The following PRKAG2 variants were observed in gnomAD, a reference collection of about 807,000 sequenced individuals.
PRKAG2 encodes protein kinase AMP-activated non-catalytic subunit gamma 2.
PRKAG2 carries 26 observed loss-of-function variants against 69.6 expected under a neutral mutation model. The ratio of observed to expected loss-of-function variants is 0.37; its 90% CI spans 0.27 to 0.52. PRKAG2 has a LOEUF of 0.52. PRKAG2 is among the 20% of genes least tolerant of loss of function. The pLI is 0.90. For missense variants in PRKAG2, 557 were observed against 740.0 expected (o/e 0.75, Z 2.87); for synonymous variants, 293 against 285.0 (o/e 1.03, Z -0.28).
Position 151,781,214 on chromosome 7 carries a change from G to A in PRKAG2, c.404C>T (p.Ser135Phe), listed in dbSNP as rs2151803254. 6.2e-7 allele frequency: 1 copy of A among 1,614,076 alleles called. No homozygotes were observed. The highest frequency in any genetic ancestry group is 8.5e-7 in the Non-Finnish European group (1 of 1,180,042). Residue 135 changes from serine (S) to phenylalanine (F), a missense_variant, in exon 3 of 16, where the codon TCC becomes TTC. By Grantham distance (155) the Ser-to-Phe change is radical. Around this residue, in one of 2 missense-constraint regions of PRKAG2, gnomAD observed 352 missense variants for 356.7 expected, o/e 0.99. Coordinates refer to ENST00000287878, the MANE Select transcript of PRKAG2 (RefSeq NM_016203.4). This position sits in a 1 kb window ranked among gnomAD's most constrained non-coding sequence, Gnocchi z 6.1. ...CGAGGTAGCAGGGTTGGAGTTGGGG[G>A]AAGACTCTTTGGAGGAGGAGCGGAA... ...GIFRSSSKES[S>F]PNSNPATSPG...
Position 151,583,431 on chromosome 7 carries a change from A to G in PRKAG2, c.865-6979T>C, listed in dbSNP as rs1810942911. ...ATGATACTCGTACAATGCATTAAAG[A>G]GCAGTGTCCTGGGTGAGCTCGGGAG... On this transcript the variant is annotated intron_variant, in intron 6 of 15. Coordinates refer to ENST00000287878, the MANE Select transcript of PRKAG2 (RefSeq NM_016203.4). The surrounding 1 kb of genome is among the most constrained non-coding windows in gnomAD (Gnocchi z 4.1). 6.6e-6 allele frequency among the ~76,000 whole-genome samples: 1 copy of G among 152,236 alleles called. No individual in the cohort carries two copies. The highest frequency in any genetic ancestry group is 2.4e-5 in the African/African-American group (1 of 41,456).
chr7:151,843,423 G>A (rs746067510), intron 1 of PRKAG2, among the ~76,000 whole-genome samples: 5 of 152,136 alleles, frequency 3.3e-5, no homozygotes, highest in African/African-American at 9.7e-5. Context: ...GCACCATCAC[G>A]CGGCTACAGC....
At chr7:151,736,711 T>C (rs202189059) in intron 3 of PRKAG2, among the ~76,000 whole-genome samples, 2 of 152,176 alleles carry the variant, frequency 1.3e-5, no homozygotes, top group East Asian at 3.9e-4. Context: ...TTCCACTCAA[T>C]GAAAGCAGCA....
intron 1 of PRKAG2, among the ~76,000 whole-genome samples, chr7:151,824,870 G>A (rs774999693): frequency 9.2e-5 from 14 of 152,154 alleles, no homozygotes; most frequent in Non-Finnish European, 1.9e-4. Flanking sequence ...TCTTTCTTCT[G>A]AGTCTATTCC....
chr7:151,585,936 T>G (rs1811561996), intron 6 of PRKAG2, among the ~76,000 whole-genome samples: 1 of 152,234 alleles, frequency 6.6e-6, no homozygotes, highest in Non-Finnish European at 1.5e-5. Flanking sequence ...AGCCCACTGA[T>G]GCTGATGCCA....
chr7:151,876,355 G>C lies in PRKAG2; in HGVS notation c.114+152C>G, dbSNP rs181719939. On this transcript the variant is annotated intron_variant, in intron 1 of 15. Coordinates refer to ENST00000287878, the MANE Select transcript of PRKAG2 (RefSeq NM_016203.4). The stretch of plus-strand genomic sequence containing the variant: ...AGCCCCGGCTCCGCCAGCCCAGCTC[G>C]GGCCCTGTCCCTCTACCCTTTCCCC... The C allele has an allele frequency of 1.9e-3, 1,389 of 742,958 alleles. 12 individuals are homozygous for C. The highest frequency in any genetic ancestry group is 0.019 in the African/African-American group (1,068 of 57,196). The allele number at this position is 742,958 out of a possible 1,614,324, so 46.0% of individuals were successfully genotyped here.
chr7:151,801,807 T>C lies in PRKAG2; in HGVS notation c.115-15266A>G, dbSNP rs116444639. ...GATCAGCTGCTGCGCCAGCTGGGAG[T>C]CAGGTACAAAAAACAGGGGGTTGTT... On this transcript the variant is annotated intron_variant, in intron 1 of 15. Transcript: ENST00000287878. Among the ~76,000 whole-genome samples, 426 of 151,784 alleles carry C rather than the reference T, an allele frequency of 2.8e-3. 5 individuals are homozygous for C. Among genetic ancestry groups the C allele is most frequent in the African/African-American group, 9.8e-3 (405 of 41,330 alleles).
chr7:151,616,275 T>G (rs1820120351), intron 5 of PRKAG2, among the ~76,000 whole-genome samples: 1 of 152,164 alleles, frequency 6.6e-6, no homozygotes, highest in Admixed American at 6.5e-5. Context: ...CAGGTGCACA[T>G]GCATGCACAC....
chr7:151,596,793 CAAATAAA>C (rs1814651575), intron 5 of PRKAG2, among the ~76,000 whole-genome samples: 1 of 151,568 alleles, frequency 6.6e-6, no homozygotes, highest in Admixed American at 6.6e-5. Context: ...GAAGAAGATA[CAAATAAA>C]AGGGAAGATA....
chr7:151,704,117 G>A (rs1250219255), intron 3 of PRKAG2, among the ~76,000 whole-genome samples: 2 of 152,086 alleles, frequency 1.3e-5, no homozygotes, highest in Non-Finnish European at 2.9e-5. Context: ...TACCTGAGCT[G>A]TTTTGAAAGA....
In PRKAG2 at chr7:151,876,821, T is replaced by C; in HGVS notation, c.-201A>G. On this transcript the variant is annotated 5_prime_UTR_variant, in exon 1 of 16. Coordinates refer to ENST00000287878, the MANE Select transcript of PRKAG2 (RefSeq NM_016203.4). Reference sequence around the variant, plus strand: ...GCCGAAGCGCCGAATTCAAGCGTCCTTTCCTACGGAACCCTCGTAGGCAAA... The same window carrying C: ...GCCGAAGCGCCGAATTCAAGCGTCCCTTCCTACGGAACCCTCGTAGGCAAA... The C allele has an allele frequency of 1.6e-6, 1 of 635,482 alleles. No homozygotes were observed. Among genetic ancestry groups the C allele is most frequent in the Non-Finnish European group, 2.8e-6 (1 of 355,684 alleles). 39.4% of individuals were successfully genotyped at this position (635,482 alleles called of 1,614,324 possible).
At position 151,865,801 on chromosome 7, in the gene PRKAG2, T is replaced by C. The variant is rs559771491; in HGVS notation, c.114+10706A>G. Among the ~76,000 whole-genome samples the C allele has an allele frequency of 9.9e-4, 150 of 152,172 alleles. 1 individual carries two copies. Among genetic ancestry groups the C allele is most frequent in the Non-Finnish European group, 1.1e-3 (77 of 67,996 alleles). Reference sequence around the variant, plus strand: ...TTGGGAGGCCAAGGCGGGCGGATCATGAGGTCAGGAGATTGAGACCATCCT... The same window carrying C: ...TTGGGAGGCCAAGGCGGGCGGATCACGAGGTCAGGAGATTGAGACCATCCT... On this transcript the variant is annotated intron_variant, in intron 1 of 15. Transcript: ENST00000287878.
At chr7:151,579,425 A>C (rs1291566110) in intron 6 of PRKAG2, among the ~76,000 whole-genome samples, 1 of 152,192 alleles carries the variant, frequency 6.6e-6, no homozygotes, top group African/African-American at 2.4e-5. Context: ...CATTCATGAA[A>C]CCCTAAGTAG....
At chr7:151,648,765 A>G (rs1827967495) in intron 4 of PRKAG2, among the ~76,000 whole-genome samples, 1 of 152,150 alleles carries the variant, frequency 6.6e-6, no homozygotes, top group South Asian at 2.1e-4. Flanking sequence ...CCATGTCTGT[A>G]GTCCCAGCTA....
chr7:151,782,424 GGAAAGAAA>G (rs368316793), intron 2 of PRKAG2, among the ~76,000 whole-genome samples: 13 of 127,898 alleles, frequency 1.0e-4, no homozygotes, highest in East Asian at 2.5e-4. Flanking sequence ...AAGGAAGGAA[GGAAAGAAA>G]GAAGGAAAGA....
chr7:151,809,340 C>G (rs1209463464), intron 1 of PRKAG2: 2 of 441,264 alleles, frequency 4.5e-6, no homozygotes, highest in African/African-American at 4.0e-5. Flanking sequence ...GAGACTCTCG[C>G]AGTCCACGGC....
At chr7:151,637,454 G>A (rs1288971044) in intron 4 of PRKAG2, among the ~76,000 whole-genome samples, 1 of 152,130 alleles carries the variant, frequency 6.6e-6, no homozygotes, top group Non-Finnish European at 1.5e-5. Flanking sequence ...CGCAAAAGTG[G>A]TTCACAGACT....
At chr7:151,762,564 G>T (rs2075482388) in intron 3 of PRKAG2, among the ~76,000 whole-genome samples, 1 of 152,092 alleles carries the variant, frequency 6.6e-6, no homozygotes, top group African/African-American at 2.4e-5. Flanking sequence ...AAATACAGGG[G>T]TTTGGTGGAA....
At chr7:151,668,216 A>T (rs1282507545) in intron 4 of PRKAG2, among the ~76,000 whole-genome samples, 2 of 152,156 alleles carry the variant, frequency 1.3e-5, no homozygotes, top group Non-Finnish European at 2.9e-5. Context: ...TTGCCAGGTG[A>T]TCTCTTTGCA....
Sources: gnomAD v4.1 joint callset for allele counts (sites outside exome capture counted in the v4.1 genomes callset) on GRCh38, gnomAD v4.1.1 for gene constraint, gnomAD v4.1.1 regional missense constraint, Gnocchi (gnomAD v3.1) non-coding constraint, MANE v1.5 for transcripts, NCBI Gene and HGNC (gene_info 2026-07-23, HGNC 2026-07-21) for gene names.